The following DNAH17 variants were observed in gnomAD, a reference collection of about 807,000 sequenced individuals.
DNAH17 encodes the protein axonemal beta dynein heavy chain 17.
In DNAH17, 376 loss-of-function variants were observed where a neutral mutation model predicts 485.6. That is an observed-to-expected ratio of 0.77 (90% confidence interval 0.71 to 0.84). DNAH17 has a LOEUF of 0.84. Among genes scored for constraint, DNAH17 ranks in the 40% least tolerant of loss-of-function variants. The pLI is 0.00. For missense variants in DNAH17, 6,370 were observed against 5,839.3 expected (o/e 1.09, Z -2.96); for synonymous variants, 3,031 against 2,405.9 (o/e 1.26, Z -7.60).
At chr17:78,443,093 G>A (rs772314537) in intron 71 of DNAH17, among the ~76,000 whole-genome samples, 4 of 152,206 alleles carry the variant, frequency 2.6e-5, no homozygotes, top group East Asian at 1.9e-4. Context: ...CGCAGAGCAC[G>A]CAAATGCTTC....
chr17:78,466,387 A>C (rs2088456998), intron 56 of DNAH17, among the ~76,000 whole-genome samples: 1 of 152,158 alleles, frequency 6.6e-6, no homozygotes, highest in Admixed American at 6.5e-5. Context: ...CTATTGTCCT[A>C]TGACCCTGCC....
intron 16 of DNAH17, among the ~76,000 whole-genome samples, chr17:78,550,834 G>T (rs1191905113): frequency 6.6e-6 from 1 of 152,202 alleles, no homozygotes; most frequent in Non-Finnish European, 1.5e-5. Context: ...GAGGTCAAAA[G>T]AAAGATATTT....
intron 64 of DNAH17, 36 bp from the exon 65 acceptor site, chr17:78,453,501 G>C (rs2087646057): frequency 1.9e-6 from 3 of 1,612,150 alleles, no homozygotes; most frequent in Non-Finnish European, 2.5e-6. Flanking sequence ...TCATGGCAGA[G>C]GGCCTCGTGA....
intron 58 of DNAH17, 38 bp downstream of exon 58, chr17:78,461,506 C>T: frequency 6.6e-7 from 1 of 1,516,068 alleles, no homozygotes; most frequent in Non-Finnish European, 8.8e-7. Context: ...GCCAGTGCAG[C>T]AGCCTTCCTG....
chr17:78,485,243 C>T, intron 47 of DNAH17: 1 of 676,236 alleles, frequency 1.5e-6, no homozygotes. Flanking sequence ...GCGAGGGTGG[C>T]AGGAACCTTG....
intron 14 of DNAH17, among the ~76,000 whole-genome samples, chr17:78,555,502 GC>G (rs1417306425): frequency 7.6e-6 from 1 of 131,866 alleles, no homozygotes; most frequent in East Asian, 2.4e-4. Context: ...AATCTGGGGA[GC>G]CCTGCCACGG....
intron 13 of DNAH17, among the ~76,000 whole-genome samples, 187 bp downstream of exon 13, chr17:78,560,553 C>T (rs2092130809): frequency 6.6e-6 from 1 of 152,146 alleles, no homozygotes; most frequent in Non-Finnish European, 1.5e-5. Flanking sequence ...CTCATTGAAG[C>T]TATTGTCAAA....
chr17:78,532,759 A>G (rs1435169779), intron 19 of DNAH17, 23 bp from the exon 20 acceptor site: 1 of 1,563,962 alleles, frequency 6.4e-7, no homozygotes, highest in Admixed American at 1.8e-5. Context: ...GGGGAGAAGC[A>G]AAAAGGGGAG....
In DNAH17 at chr17:78,529,469, T is replaced by C; in HGVS notation, c.3507+3A>G. 1.2e-6 allele frequency: 2 copies of C among 1,613,768 alleles called. No individual in the cohort carries two copies. The highest frequency in any genetic ancestry group is 1.7e-6 in the Non-Finnish European group (2 of 1,179,704). The stretch of plus-strand genomic sequence containing the variant: ...GACGCAGCCACACCCACCCACCACG[T>C]ACCTGCAGCTTCAAGTGGATCTCCT... On this transcript the variant is annotated splice_donor_region_variant and intron_variant, in intron 22 of 80. Transcript: ENST00000389840.
chr17:78,539,404 C>T (rs957314399), intron 18 of DNAH17, among the ~76,000 whole-genome samples: 1 of 152,066 alleles, frequency 6.6e-6, no homozygotes, highest in African/African-American at 2.4e-5. Context: ...AGGAGACCCT[C>T]CCCCCAATCC....
In DNAH17 at chr17:78,528,950, AT is replaced by A. The variant is rs56009624; in HGVS notation, c.3507+521del. On this transcript the variant is annotated intron_variant, in intron 22 of 80. Transcript: ENST00000389840. ...GACATGGGACATAAAGGCATTTTGT[AT>A]TTTTTTTTTTTTTTAAGACAGAATC... 1.5e-3 allele frequency among the ~76,000 whole-genome samples: 205 copies of A among 140,530 alleles called. 1 individual carries two copies. The highest frequency in any genetic ancestry group is 4.6e-3 in the South Asian group (20 of 4,338). 92.2% of individuals were successfully genotyped at this position (140,530 alleles called of 152,430 possible).
intron 46 of DNAH17, 42 bp downstream of exon 46, chr17:78,485,918 C>T (rs1340428001): frequency 6.2e-7 from 1 of 1,601,764 alleles, no homozygotes; most frequent in Admixed American, 1.7e-5. Flanking sequence ...CGATTCCTGC[C>T]TCTAAATCAC....
chr17:78,473,745 C>T (rs953107690), intron 54 of DNAH17, among the ~76,000 whole-genome samples: 9 of 151,920 alleles, frequency 5.9e-5, no homozygotes, highest in South Asian at 4.2e-4. Context: ...CCCGCAGGGA[C>T]GCAGAGCAAG....
intron 22 of DNAH17, among the ~76,000 whole-genome samples, chr17:78,528,278 GAC>G (rs907615007): frequency 1.3e-5 from 2 of 152,070 alleles, no homozygotes; most frequent in Non-Finnish European, 2.9e-5. Flanking sequence ...TCTTTCTTTT[GAC>G]ACAGGGTCTT....
Position 78,476,611 on chromosome 17 carries a change from C to T in DNAH17, c.8115G>A (p.Leu2705=), listed in dbSNP as rs1022814764. ...TGGTGGAGGCCATGGTGACTCTATG[C>T]AATGTTTCCTGGTCTTTTTCGTCAA... The part of the protein sequence containing the change: ...KMVDEKDQET[L]HRVTMASTKK... Residue 2705 remains leucine (L), a synonymous_variant, in exon 52 of 81, where the codon TTG becomes TTA. Coordinates refer to ENST00000389840, the MANE Select transcript of DNAH17 (RefSeq NM_173628.4). 1.2e-6 allele frequency: 2 copies of T among 1,611,478 alleles called. No homozygotes were observed. The highest frequency in any genetic ancestry group is 2.7e-5 in the African/African-American group (2 of 74,922).
In DNAH17 at chr17:78,543,916, G is replaced by T; in HGVS notation, c.2473C>A (p.Leu825Ile). Residue 825 changes from leucine (L) to isoleucine (I), a missense_variant, in exon 17 of 81, where the codon CTC becomes ATC. Physicochemically the swap from Leu to Ile is conservative, Grantham distance 5 (BLOSUM62 2). Transcript: ENST00000389840. ...LLDLDGRIANLNKRYAAVRDA... is the reference protein window; with the variant it reads ...LLDLDGRIANINKRYAAVRDA... ...CTGACTGCTGCGTAGCGCTTGTTGAGGTTGGCAATTCTTCCATCCAAGTCT... is the reference window on the plus strand; with the variant it reads ...CTGACTGCTGCGTAGCGCTTGTTGATGTTGGCAATTCTTCCATCCAAGTCT... 6.2e-7 allele frequency: 1 copy of T among 1,614,026 alleles called. No individual in the cohort carries two copies. Among genetic ancestry groups the T allele is most frequent in the Non-Finnish European group, 8.5e-7 (1 of 1,179,898 alleles).
intron 16 of DNAH17, among the ~76,000 whole-genome samples, chr17:78,549,031 C>T (rs563747989): frequency 4.1e-4 from 63 of 152,300 alleles, no homozygotes; most frequent in Admixed American, 1.9e-3. Flanking sequence ...GATTCTGTGA[C>T]CAGTTTAGTG....
chr17:78,492,076 T>G (rs76402280), intron 42 of DNAH17, among the ~76,000 whole-genome samples: 3,676 of 152,078 alleles, frequency 0.024, 139 homozygotes, highest in African/African-American at 0.083. Flanking sequence ...TAGGGCCACT[T>G]CTGATGGGTA....
intron 19 of DNAH17, 37 bp from the exon 20 acceptor site, chr17:78,532,773 T>A (rs1055465534): frequency 6.5e-7 from 1 of 1,543,086 alleles, no homozygotes; most frequent in Admixed American, 1.9e-5. Flanking sequence ...AGGGGAGGTA[T>A]GTTGCCTGGT....
Sources: gnomAD v4.1 joint callset for allele counts (sites outside exome capture counted in the v4.1 genomes callset) on GRCh38, gnomAD v4.1.1 for gene constraint, MANE v1.5 for transcripts, NCBI Gene and HGNC (gene_info 2026-07-23, HGNC 2026-07-21) for gene names.